Variants in SGCZ observed in about 807,000 individuals in gnomAD.
The protein encoded by SGCZ is zeta-sarcoglycan.
Under a neutral mutation model 41.3 loss-of-function variants are expected in SGCZ, and 40 were observed. The observed-to-expected ratio is 0.97, with a 90% CI of 0.75 to 1.26. The LOEUF (loss-of-function observed/expected upper bound fraction) is 1.26. Among genes scored for constraint, SGCZ ranks in the 50% most tolerant of loss-of-function variants. SGCZ has a pLI of 0.00. For missense variants in SGCZ, 552 were observed against 369.8 expected (o/e 1.49, Z -4.04); for synonymous variants, 206 against 137.5 (o/e 1.50, Z -3.49).
chr8:15,214,116 G>A lies in SGCZ; in HGVS notation c.39+23469C>T, dbSNP rs79539546. ...ATAATGAAATGTTCTCTGATGATCAGCCATGTGAAAAAAAACATCAATTTT... is the reference window on the plus strand; with the variant it reads ...ATAATGAAATGTTCTCTGATGATCAACCATGTGAAAAAAAACATCAATTTT... On this transcript the variant is annotated intron_variant, in intron 1 of 7. Transcript: ENST00000382080. 9.0e-3 allele frequency among the ~76,000 whole-genome samples: 1,358 copies of A among 151,608 alleles called. 5 individuals carry two copies. The highest frequency in any genetic ancestry group is 0.021 in the Middle Eastern group (6 of 292).
chr8:14,115,350 T>C (rs1285585390), intron 5 of SGCZ, among the ~76,000 whole-genome samples: 6 of 152,062 alleles, frequency 3.9e-5, no homozygotes, highest in Admixed American at 2.0e-4. Flanking sequence ...AGCTTCATTA[T>C]AAACATTATA....
At chr8:14,851,145 G>A (rs537801537) in intron 1 of SGCZ, among the ~76,000 whole-genome samples, 2 of 152,086 alleles carry the variant, frequency 1.3e-5, no homozygotes, top group South Asian at 2.1e-4. Flanking sequence ...CAAGGCGGGC[G>A]GATCACGAGG....
In SGCZ at chr8:14,991,570, T is replaced by C. The variant is rs967086084; in HGVS notation, c.39+246015A>G. ...TCCTTGAATATTATCAAAGCACTTA[T>C]GCCCAGTATGTCCATAGCAAACTCA... is the stretch of plus-strand genomic sequence containing the variant. On this transcript the variant is annotated intron_variant, in intron 1 of 7. Coordinates refer to ENST00000382080, the MANE Select transcript of SGCZ (RefSeq NM_139167.4). Among the ~76,000 whole-genome samples, 11 of 152,296 alleles carry C rather than the reference T, an allele frequency of 7.2e-5. No homozygotes were observed. The East Asian group carries it at 2.1e-3, about 29-fold the overall frequency.
chr8:14,298,499 T>C lies in SGCZ; in HGVS notation c.336+25604A>G, dbSNP rs535187267. Among the ~76,000 whole-genome samples, 14 of 152,106 alleles carry C rather than the reference T, an allele frequency of 9.2e-5. No individual in the cohort carries two copies. The East Asian group carries it at 1.4e-3, about 15-fold the overall frequency. ...AAGTGAACTTAACAGTGCTATAAAA[T>C]ATACCATCAGTATGCCAAAGTCAAT... is the stretch of plus-strand genomic sequence containing the variant. On this transcript the variant is annotated intron_variant, in intron 3 of 7. Coordinates refer to ENST00000382080, the MANE Select transcript of SGCZ (RefSeq NM_139167.4).
At chr8:14,297,704 T>C (rs35506765) in intron 3 of SGCZ, among the ~76,000 whole-genome samples, 3 of 151,940 alleles carry the variant, frequency 2.0e-5, no homozygotes, top group African/African-American at 4.8e-5. Context: ...TAAAAAGCAA[T>C]AGAACATCTA....
chr8:14,807,688 T>A lies in SGCZ; in HGVS notation c.40-252762A>T, dbSNP rs888462224. Among the ~76,000 whole-genome samples the A allele has an allele frequency of 1.9e-3, 288 of 151,836 alleles. 2 individuals carry two copies. The highest frequency in any genetic ancestry group is 6.8e-3 in the African/African-American group (281 of 41,368). On this transcript the variant is annotated intron_variant, in intron 1 of 7. Coordinates refer to ENST00000382080, the MANE Select transcript of SGCZ (RefSeq NM_139167.4). ...ATTTACAGATTCAATGCCATCCCCA[T>A]CAAGCTACCAATGCCTTTCTTCACA...
intron 1 of SGCZ, among the ~76,000 whole-genome samples, chr8:15,009,111 A>T (rs1802727962): frequency 6.6e-6 from 1 of 152,202 alleles, no homozygotes; most frequent in African/African-American, 2.4e-5. Context: ...CACTGCCATA[A>T]AGAAATACCT....
At chr8:14,583,630 T>C (rs969780116) in intron 1 of SGCZ, among the ~76,000 whole-genome samples, 5 of 152,184 alleles carry the variant, frequency 3.3e-5, no homozygotes, top group Non-Finnish European at 5.9e-5. Context: ...AGGGTTTTTA[T>C]GGTTTTAGGA....
chr8:14,739,964 G>T (rs558474047), intron 1 of SGCZ, among the ~76,000 whole-genome samples: 68 of 152,086 alleles, frequency 4.5e-4, no homozygotes, highest in African/African-American at 1.5e-3. Context: ...ATCTGCATAT[G>T]GAAATGGTCT....
rs1157256696 is a variant in SGCZ, at chr8:14,087,060, G to T, written c.*3383C>A. 6.6e-6 allele frequency among the ~76,000 whole-genome samples: 1 copy of T among 150,450 alleles called. No individual in the cohort carries two copies. The highest frequency in any genetic ancestry group is 1.5e-5 in the Non-Finnish European group (1 of 66,982). ...TGGAATTGCTGGCTCCATTTTCCGA[G>T]ATTTGAAGTACTGTAATCTAAGATT... On this transcript the variant is annotated 3_prime_UTR_variant, in exon 8 of 8. Coordinates refer to ENST00000382080, the MANE Select transcript of SGCZ (RefSeq NM_139167.4).
At chr8:14,758,559 T>C (rs553868884) in intron 1 of SGCZ, among the ~76,000 whole-genome samples, 1 of 152,338 alleles carries the variant, frequency 6.6e-6, no homozygotes, top group East Asian at 1.9e-4. Context: ...TGAAATTCTA[T>C]ATTAAAAATT....
At chr8:15,112,813 G>T (rs780182805) in intron 1 of SGCZ, among the ~76,000 whole-genome samples, 2 of 152,230 alleles carry the variant, frequency 1.3e-5, no homozygotes, top group African/African-American at 4.8e-5. Flanking sequence ...AGTTGATGCT[G>T]TGTGGAGCAG....
intron 2 of SGCZ, among the ~76,000 whole-genome samples, chr8:14,549,212 A>G (rs576318838): frequency 1.3e-5 from 2 of 152,170 alleles, no homozygotes; most frequent in Admixed American, 6.6e-5. Flanking sequence ...TTACTGAGGA[A>G]GTCAGACAGA....
intron 7 of SGCZ, among the ~76,000 whole-genome samples, chr8:14,101,462 A>C (rs899748585): frequency 2.6e-5 from 4 of 152,254 alleles, no homozygotes; most frequent in Non-Finnish European, 4.4e-5. Context: ...TGCAGATAAC[A>C]ATAATCATGT....
chr8:14,296,680 C>G (rs1801023630), intron 3 of SGCZ, among the ~76,000 whole-genome samples: 1 of 151,936 alleles, frequency 6.6e-6, no homozygotes, highest in Admixed American at 6.6e-5. Flanking sequence ...CTTGCATATT[C>G]TAATTCCTAG....
At chr8:15,209,448 C>G (rs573574931) in intron 1 of SGCZ, among the ~76,000 whole-genome samples, 5 of 142,114 alleles carry the variant, frequency 3.5e-5, no homozygotes, top group South Asian at 4.4e-4. Flanking sequence ...AGCACAGGAA[C>G]AGCGAAGTTA....
chr8:14,715,250 A>G (rs1182448629), intron 1 of SGCZ, among the ~76,000 whole-genome samples: 1 of 152,142 alleles, frequency 6.6e-6, no homozygotes, highest in East Asian at 1.9e-4. Context: ...CCATCTCAAG[A>G]GGTTCAGAAA....
intron 4 of SGCZ, among the ~76,000 whole-genome samples, chr8:14,216,321 C>T (rs1805992210): frequency 6.6e-6 from 1 of 152,094 alleles, no homozygotes; most frequent in South Asian, 2.1e-4. Flanking sequence ...TTTCTCCTAC[C>T]ACCCTGACTG....
chr8:14,538,058 C>A (rs547589965), intron 2 of SGCZ, among the ~76,000 whole-genome samples: 1 of 152,004 alleles, frequency 6.6e-6, no homozygotes, highest in East Asian at 1.9e-4. Flanking sequence ...CACTGGACAT[C>A]TTTCACTGTG....
Sources: allele counts gnomAD v4.1 joint callset (sites outside exome capture counted in the v4.1 genomes callset), GRCh38; gene constraint gnomAD v4.1.1; transcripts MANE v1.5; gene names NCBI Gene and HGNC (gene_info 2026-07-23, HGNC 2026-07-21).